TRADD: variants seen among roughly 807,000 people sequenced by gnomAD.
TRADD encodes the protein TNFRSF1A associated via death domain.
In TRADD, 14 loss-of-function variants were observed where a neutral mutation model predicts 31.5. That is an observed-to-expected ratio of 0.44 (90% CI 0.29 to 0.69). TRADD has a LOEUF of 0.69. Among genes scored for constraint, TRADD ranks in the 30% least tolerant of loss-of-function variants. The pLI is 0.11. For missense variants in TRADD, 388 were observed against 435.7 expected, an observed-to-expected ratio of 0.89 and a Z score of 0.97; for synonymous variants, 220 against 215.8, an observed-to-expected ratio of 1.02 and a Z score of -0.17.
At position 67,156,183 on chromosome 16, in the gene TRADD, G is replaced by T. The variant is rs952577368; in HGVS notation, c.151+327C>A. 5.0e-6 allele frequency: 7 copies of T among 1,402,298 alleles called. No individual in the cohort carries two copies. The highest frequency in any genetic ancestry group is 6.6e-6 in the Non-Finnish European group (7 of 1,061,998). The allele number at this position is 1,402,298 out of a possible 1,614,324, so 86.9% of individuals were successfully genotyped here. On this transcript the variant is annotated intron_variant, in intron 2 of 4. Transcript: ENST00000345057. The surrounding 1 kb of genome is among the most constrained non-coding windows in gnomAD (Gnocchi z 4.6). The stretch of plus-strand genomic sequence containing the variant: ...CTGGAAGGGTAGGTACTGGGGAGGG[G>T]TCTTGAGCAAGGAGTGCTGCAGTAA...
Position 67,156,773 on chromosome 16 carries a change from A to C in TRADD, c.-8-105T>G. 6 of 1,456,994 alleles carry C rather than the reference A, an allele frequency of 4.1e-6. No homozygotes were observed. The highest frequency in any genetic ancestry group is 4.8e-6 in the Non-Finnish European group (5 of 1,049,184). The allele number at this position is 1,456,994 out of a possible 1,614,324, so 90.3% of individuals were successfully genotyped here. A position where few individuals can be genotyped will look rare whatever the true frequency, so the allele number is the denominator to read the frequency against. On this transcript the variant is annotated intron_variant, in intron 1 of 4. Transcript: ENST00000345057. The surrounding 1 kb of genome is among the most constrained non-coding windows in gnomAD (Gnocchi z 4.6). The stretch of plus-strand genomic sequence containing the variant: ...CAGCTGTCCCCACCACAGTAGCCTC[A>C]AGTCCCACATGGTTCAGTTGTCCCC...
At position 67,154,684 on chromosome 16, in the gene TRADD, G is replaced by C. The variant is rs1290332042; in HGVS notation, c.904C>G (p.Leu302Val). ...CCGCCATTGGGATCGGTCAGGCCCA[G>C]CAAGTCCTCTGCCAGGCTGGTGAGC... ...NELTSLAEDL[L>V]GLTDPNGGLA is the part of the protein sequence containing the mutation. Residue 302 changes from leucine to valine, a missense_variant, in exon 5 of 5, where the codon CTG becomes GTG. By Grantham distance (32) the Leu-to-Val change is conservative. Transcript: ENST00000345057. This position sits in a 1 kb window ranked among gnomAD's most constrained non-coding sequence, Gnocchi z 5.2. 1 of 1,612,924 alleles carries C rather than the reference G, an allele frequency of 6.2e-7. No homozygotes were observed. The highest frequency in any genetic ancestry group is 8.5e-7 in the Non-Finnish European group (1 of 1,179,948).
chr16:67,154,345 G>C lies in TRADD; in HGVS notation c.*304C>G, dbSNP rs577793769. On this transcript the variant is annotated 3_prime_UTR_variant, in exon 5 of 5. Coordinates refer to ENST00000345057, the MANE Select transcript of TRADD (RefSeq NM_003789.4). This position sits in a 1 kb window ranked among gnomAD's most constrained non-coding sequence, Gnocchi z 5.2. The stretch of plus-strand genomic sequence containing the variant: ...AGTCCAGGACACCAAAGATCAAGGT[G>C]CTTCATGAGTGAAACTGTAAGGGCT... 1,106 of 528,572 alleles carry C rather than the reference G, an allele frequency of 2.1e-3. 4 individuals are homozygous for C. The highest frequency in any genetic ancestry group is 3.0e-3 in the Non-Finnish European group (873 of 292,004). 32.7% of individuals were successfully genotyped at this position (528,572 alleles called of 1,614,324 possible).
rs2030805003 is a variant in TRADD, at chr16:67,159,056, AG to A, written c.-9+781del. Among the ~76,000 whole-genome samples the A allele has an allele frequency of 6.6e-6, 1 of 152,250 alleles. No individual in the cohort carries two copies. Among genetic ancestry groups the A allele is most frequent in the African/African-American group, 2.4e-5 (1 of 41,468 alleles). On this transcript the variant is annotated intron_variant, in intron 1 of 4. Coordinates refer to ENST00000345057, the MANE Select transcript of TRADD (RefSeq NM_003789.4). This position sits in a 1 kb window ranked among gnomAD's most constrained non-coding sequence, Gnocchi z 6.8. ...TACTAGAAGATGGGGAAGGTGAACC[AG>A]GCTGGAGGTCGAGTTAACAGGGTAA... is the stretch of plus-strand genomic sequence containing the variant.
chr16:67,155,698 G>T, intron 2 of TRADD, 44 bp from the exon 3 acceptor site: 5 of 1,525,184 alleles, frequency 3.3e-6, no homozygotes, highest in East Asian at 4.8e-5. Flanking sequence ...CCCAAGCTCG[G>T]CCGTTCTCCA....
At chr16:67,155,799 A>G in intron 2 of TRADD, 145 bp from the exon 3 acceptor site, 1 of 1,465,534 alleles carries the variant, frequency 6.8e-7, no homozygotes, top group Non-Finnish European at 9.0e-7. Flanking sequence ...CCAGCTGGGA[A>G]GCAAAATTGG....
At chr16:67,158,684 A>G (rs2030788488) in intron 1 of TRADD, among the ~76,000 whole-genome samples, 1 of 152,218 alleles carries the variant, frequency 6.6e-6, no homozygotes, top group African/African-American at 2.4e-5. Context: ...AAAGAGCAAA[A>G]TAAATTTGTT....
Position 67,154,829 on chromosome 16 carries a change from G to C in TRADD, c.759C>G (p.Ala253=), listed in dbSNP as rs375748370. The C allele has an allele frequency of 2.3e-5, 36 of 1,591,860 alleles. No homozygotes were observed. In the African/African-American group the frequency reaches 4.3e-4, roughly 19 times the overall value. The part of the protein sequence containing the change: ...ALRDPALDSL[A]YEYEREGLYE... ...ACAGTCCCTCGCGCTCGTACTCGTA[G>C]GCCAGCGAGTCCAGCGCCGGGTCCC... Residue 253 remains alanine, a synonymous_variant, in exon 5 of 5, where the codon GCC becomes GCG. Transcript: ENST00000345057. This position sits in a 1 kb window ranked among gnomAD's most constrained non-coding sequence, Gnocchi z 5.2.
In TRADD at chr16:67,159,619, T is replaced by C. The variant is rs1193429699; in HGVS notation, c.-9+219A>G. Among the ~76,000 whole-genome samples the C allele has an allele frequency of 6.6e-6, 1 of 152,084 alleles. No individual in the cohort carries two copies. The highest frequency in any genetic ancestry group is 1.5e-5 in the Non-Finnish European group (1 of 67,994). The stretch of plus-strand genomic sequence containing the variant: ...CACCCTCTCTCCTGCAGGGCCCTAC[T>C]GCACCTCGAAAGTGCTGGCAGGGAC... On this transcript the variant is annotated intron_variant, in intron 1 of 4. Transcript: ENST00000345057. The surrounding 1 kb of genome is among the most constrained non-coding windows in gnomAD (Gnocchi z 6.8).
Position 67,156,269 on chromosome 16 carries a change from G to T in TRADD, c.151+241C>A. The T allele has an allele frequency of 1.6e-6, 2 of 1,263,208 alleles. No individual in the cohort carries two copies. The highest frequency in any genetic ancestry group is 2.2e-6 in the Non-Finnish European group (2 of 920,354). The allele number at this position is 1,263,208 out of a possible 1,614,324, so 78.2% of individuals were successfully genotyped here. The stretch of plus-strand genomic sequence containing the variant: ...AGAAAGGAGTGAGCCGGCTGGTGGA[G>T]GGGGGCGGGGATGGAGCAAAGGACG... On this transcript the variant is annotated intron_variant, in intron 2 of 4. Coordinates refer to ENST00000345057, the MANE Select transcript of TRADD (RefSeq NM_003789.4). The surrounding 1 kb of genome is among the most constrained non-coding windows in gnomAD (Gnocchi z 4.6).
In TRADD at chr16:67,156,689, G is replaced by A; in HGVS notation, c.-8-21C>T. ...ACCTCCTGGAGATGCAGACAGTCAG[G>A]TATCCAGTTCATCCCCCCTCCCTCC... On this transcript the variant is annotated intron_variant, in intron 1 of 4. Coordinates refer to ENST00000345057, the MANE Select transcript of TRADD (RefSeq NM_003789.4). This position sits in a 1 kb window ranked among gnomAD's most constrained non-coding sequence, Gnocchi z 4.6. 6.2e-7 allele frequency: 1 copy of A among 1,612,804 alleles called. No individual in the cohort carries two copies. The highest frequency in any genetic ancestry group is 1.7e-5 in the Admixed American group (1 of 60,020).
chr16:67,155,251 G>C lies in TRADD; in HGVS notation c.473C>G (p.Ala158Gly), dbSNP rs1195045665. 1.2e-6 allele frequency: 2 copies of C among 1,608,512 alleles called. No homozygotes were observed. The highest frequency in any genetic ancestry group is 1.1e-5 in the South Asian group (1 of 90,338). Residue 158 changes from alanine (A) to glycine (G), a missense_variant, in exon 4 of 5, where the codon GCG (alanine) becomes GGG (glycine). Transcript: ENST00000345057. ...CGAGCCGCACTTCAGATTTCGCAGCGCATCCTCCAGCTCAGCCAGTTCTTC... is the reference window on the plus strand; with the variant it reads ...CGAGCCGCACTTCAGATTTCGCAGCCCATCCTCCAGCTCAGCCAGTTCTTC... ...RDEELAELED[A>G]LRNLKCGSGA...
In TRADD at chr16:67,156,207, A is replaced by G. The variant is rs758586898; in HGVS notation, c.151+303T>C. ...GGTCTTGAGCAAGGAGTGCTGCAGTAAGAGAGGAAAAGAGGAGAGAGACAT... is the reference window on the plus strand; with the variant it reads ...GGTCTTGAGCAAGGAGTGCTGCAGTGAGAGAGGAAAAGAGGAGAGAGACAT... On this transcript the variant is annotated intron_variant, in intron 2 of 4. Coordinates refer to ENST00000345057, the MANE Select transcript of TRADD (RefSeq NM_003789.4). This position sits in a 1 kb window ranked among gnomAD's most constrained non-coding sequence, Gnocchi z 4.6. 3.7e-5 allele frequency: 53 copies of G among 1,428,934 alleles called. 3 individuals carry two copies. In the South Asian group the frequency reaches 6.1e-4, roughly 16 times the overall value. The allele number at this position is 1,428,934 out of a possible 1,614,324, so 88.5% of individuals were successfully genotyped here.
rs1434611392 is a variant in TRADD at position 67,156,864 on chromosome 16, T to C, written c.-8-196A>G. 1.3e-5 allele frequency among the ~76,000 whole-genome samples: 2 copies of C among 152,186 alleles called. No individual in the cohort carries two copies. The highest frequency in any genetic ancestry group is 2.9e-5 in the Non-Finnish European group (2 of 68,028). On this transcript the variant is annotated intron_variant, in intron 1 of 4. Coordinates refer to ENST00000345057, the MANE Select transcript of TRADD (RefSeq NM_003789.4). This position sits in a 1 kb window ranked among gnomAD's most constrained non-coding sequence, Gnocchi z 4.6. The stretch of plus-strand genomic sequence containing the variant: ...ACAGGAAGCCCCTTGAGCTCCTGGC[T>C]CTGTACAGAGTCCCACCCGCCCCAG...
In TRADD at chr16:67,156,254, G is replaced by A. The variant is rs1003170681; in HGVS notation, c.151+256C>T. ...ACATCCACAATTAGTAGAAAGGAGT[G>A]AGCCGGCTGGTGGAGGGGGGCGGGG... On this transcript the variant is annotated intron_variant, in intron 2 of 4. Coordinates refer to ENST00000345057, the MANE Select transcript of TRADD (RefSeq NM_003789.4). This position sits in a 1 kb window ranked among gnomAD's most constrained non-coding sequence, Gnocchi z 4.6. The A allele has an allele frequency of 2.8e-6, 4 of 1,411,218 alleles. No individual in the cohort carries two copies. The highest frequency in any genetic ancestry group is 2.8e-6 in the Non-Finnish European group (3 of 1,054,216). The allele number at this position is 1,411,218 out of a possible 1,614,324, so 87.4% of individuals were successfully genotyped here.
chr16:67,157,841 A>G (rs1400274387), intron 1 of TRADD, among the ~76,000 whole-genome samples: 1 of 152,092 alleles, frequency 6.6e-6, no homozygotes, highest in Non-Finnish European at 1.5e-5. Context: ...CTACAGCTCA[A>G]TGGTCTCCCA....
Position 67,155,657 on chromosome 16 carries a change from G to A in TRADD, c.152-3C>T. The A allele has an allele frequency of 1.9e-6, 3 of 1,568,058 alleles. No individual in the cohort carries two copies. Among genetic ancestry groups the A allele is most frequent in the Non-Finnish European group, 2.6e-6 (3 of 1,165,040 alleles). On this transcript the variant is annotated splice_polypyrimidine_tract_variant and splice_region_variant and intron_variant, in intron 2 of 4. Transcript: ENST00000345057. ...CACGTCCGGGCTCCCGCCGCTCTCTGCGGAGGCGGGCGGTCAGGCGCCGGG... is the reference window on the plus strand; with the variant it reads ...CACGTCCGGGCTCCCGCCGCTCTCTACGGAGGCGGGCGGTCAGGCGCCGGG...
rs1253004237 is a variant in TRADD, at chr16:67,156,152, G to C, written c.151+358C>G. 2.9e-6 allele frequency: 4 copies of C among 1,370,966 alleles called. No homozygotes were observed. The highest frequency in any genetic ancestry group is 2.2e-5 in the Admixed American group (1 of 45,708). 84.9% of individuals were successfully genotyped at this position (1,370,966 alleles called of 1,614,324 possible). On this transcript the variant is annotated intron_variant, in intron 2 of 4. Coordinates refer to ENST00000345057, the MANE Select transcript of TRADD (RefSeq NM_003789.4). The surrounding 1 kb of genome is among the most constrained non-coding windows in gnomAD (Gnocchi z 4.6). ...TGGCCTCTGCCCTGAGATGGGAAAGGGGGGCCTGGAAGGGTAGGTACTGGG... is the reference window on the plus strand; with the variant it reads ...TGGCCTCTGCCCTGAGATGGGAAAGCGGGGCCTGGAAGGGTAGGTACTGGG...
In TRADD at chr16:67,155,289, G is replaced by C; in HGVS notation, c.435C>G (p.Asp145Glu). The C allele has an allele frequency of 6.2e-7, 1 of 1,610,468 alleles. No homozygotes were observed. Among genetic ancestry groups the C allele is most frequent in the Non-Finnish European group, 8.5e-7 (1 of 1,179,428 alleles). ...CAGCCAGTTCTTCATCCCGGAGCCG[G>C]TCGGGCTAGGGGAATGGAACGTGCC... Reference protein sequence around the residue: ...CLSCILAQQPDRLRDEELAEL... With the variant: ...CLSCILAQQPERLRDEELAEL... Residue 145 changes from aspartate (D) to glutamate (E), a missense_variant, in exon 4 of 5, where the codon GAC (aspartate) becomes GAG (glutamate). Transcript: ENST00000345057.
Sources: gnomAD v4.1 joint callset for allele counts (sites outside exome capture counted in the v4.1 genomes callset) on GRCh38, gnomAD v4.1.1 for gene constraint, Gnocchi (gnomAD v3.1) non-coding constraint, MANE v1.5 for transcripts, NCBI Gene and HGNC (gene_info 2026-07-23, HGNC 2026-07-21) for gene names.